TEX2: variants seen among roughly 807,000 people sequenced by gnomAD.
TEX2 encodes testis expressed 2.
TEX2 carries 53 observed loss-of-function variants against 106.9 expected under a neutral mutation model. The observed-to-expected ratio is 0.50, with a 90% confidence interval of 0.40 to 0.62. The LOEUF (loss-of-function observed/expected upper bound fraction) is 0.62. TEX2 is among the 20% of genes least tolerant of loss of function. The pLI, the probability that TEX2 is intolerant of heterozygous loss-of-function variation, is 0.00. For missense variants in TEX2, 1,207 were observed against 1,379.0 expected, an observed-to-expected ratio of 0.88 and a Z score of 1.98; for synonymous variants, 523 against 534.8, an observed-to-expected ratio of 0.98 and a Z score of 0.30.
intron 5 of TEX2, among the ~76,000 whole-genome samples, chr17:64,184,290 T>A (rs1215925951): frequency 6.6e-6 from 1 of 151,930 alleles, no homozygotes; most frequent in Non-Finnish European, 1.5e-5. Context: ...TTTGTAGAGA[T>A]GGAGTCTCAA....
At chr17:64,233,160 CCACACACACAACTACCCCACCCCCAAA>C (rs1366773878) in intron 1 of TEX2, among the ~76,000 whole-genome samples, 1 of 152,086 alleles carries the variant, frequency 6.6e-6, no homozygotes, top group Admixed American at 6.6e-5. Flanking sequence ...ATGTGCACAA[CCACACACACAACTACCCCACCCCCAAA>C]CACACACACA....
At chr17:64,177,232 C>T in intron 6 of TEX2, 93 bp downstream of exon 6, 2 of 1,510,470 alleles carry the variant, frequency 1.3e-6, no homozygotes, top group South Asian at 2.4e-5. Context: ...TACGTTTAAA[C>T]CAAATTATTT....
At chr17:64,151,232 C>A (rs1434504261) in intron 10 of TEX2, among the ~76,000 whole-genome samples, 1 of 152,144 alleles carries the variant, frequency 6.6e-6, no homozygotes, top group African/African-American at 2.4e-5. Flanking sequence ...ATGACCTGGG[C>A]ATTGGTTTCT....
intron 5 of TEX2, among the ~76,000 whole-genome samples, chr17:64,180,491 C>T (rs1243088325): frequency 6.6e-6 from 1 of 152,196 alleles, no homozygotes; most frequent in African/African-American, 2.4e-5. Context: ...CAGAGCAGAA[C>T]ATCGATAATG....
chr17:64,149,193 G>A, intron 11 of TEX2, 102 bp from the exon 12 acceptor site: 1 of 1,341,226 alleles, frequency 7.5e-7, no homozygotes, highest in South Asian at 1.5e-5. Flanking sequence ...ATTTTTAAAA[G>A]TACATATAAA....
At chr17:64,149,147 C>A in intron 11 of TEX2, 56 bp from the exon 12 acceptor site, 1 of 1,593,856 alleles carries the variant, frequency 6.3e-7, no homozygotes, top group Non-Finnish European at 8.6e-7. Context: ...CAGGCTGTCA[C>A]CCTCCTTTGT....
chr17:64,254,708 A>G (rs1387125650), intron 1 of TEX2, among the ~76,000 whole-genome samples: 2 of 152,254 alleles, frequency 1.3e-5, no homozygotes, highest in African/African-American at 2.4e-5. Flanking sequence ...AATTGAACTT[A>G]AAGTAACATA....
rs2032451024 is a variant in TEX2, at chr17:64,195,892, G to A, written c.1645-797C>T. On this transcript the variant is annotated intron_variant, in intron 2 of 11. Coordinates refer to ENST00000584379, the MANE Select transcript of TEX2 (RefSeq NM_001288732.2). The surrounding 1 kb of genome is among the most constrained non-coding windows in gnomAD (Gnocchi z 4.1). ...TCATTCATCACTGAACACTTCTCCT[G>A]CCTCAAATACTTTTTCAGGTTATGA... is the stretch of plus-strand genomic sequence containing the variant. Among the ~76,000 whole-genome samples the A allele has an allele frequency of 6.6e-6, 1 of 152,156 alleles. No homozygotes were observed.
chr17:64,222,292 G>A (rs1348484377), intron 1 of TEX2, among the ~76,000 whole-genome samples: 1 of 151,988 alleles, frequency 6.6e-6, no homozygotes, highest in Non-Finnish European at 1.5e-5. Context: ...AGGCTGAGGT[G>A]GGTGGATCAC....
intron 1 of TEX2, among the ~76,000 whole-genome samples, chr17:64,244,149 G>A (rs2033945039): frequency 6.6e-6 from 1 of 152,148 alleles, no homozygotes; most frequent in South Asian, 2.1e-4. Context: ...TTAGCCTTTG[G>A]ATTATTTTGG....
intron 2 of TEX2, among the ~76,000 whole-genome samples, chr17:64,202,675 G>A (rs2032708456): frequency 6.6e-6 from 1 of 152,182 alleles, no homozygotes; most frequent in Admixed American, 6.5e-5. Flanking sequence ...TTCTTACCAG[G>A]TAAAGTATTC....
intron 7 of TEX2, among the ~76,000 whole-genome samples, chr17:64,165,094 A>G (rs932444333): frequency 1.4e-4 from 21 of 152,224 alleles, no homozygotes; most frequent in Admixed American, 1.4e-3. Flanking sequence ...TCACTCTGAA[A>G]GTCAATATTT....
Position 64,213,151 on chromosome 17 carries a change from T to G in TEX2, c.1067A>C (p.Asp356Ala), listed in dbSNP as rs782137130. The G allele has an allele frequency of 1.9e-6, 3 of 1,614,150 alleles. No individual in the cohort carries two copies. In the Admixed American group the frequency reaches 5.0e-5, roughly 27 times the overall value. Residue 356 changes from aspartate to alanine, a missense_variant, in exon 2 of 12, where the codon GAT (aspartate) becomes GCT (alanine). By Grantham distance (126) the Asp-to-Ala change is moderately radical. Around this residue, in one of 3 missense-constraint regions of TEX2, gnomAD observed 1,067 missense variants for 1,193.6 expected, o/e 0.89. Coordinates refer to ENST00000584379, the MANE Select transcript of TEX2 (RefSeq NM_001288732.2). This position sits in a 1 kb window ranked among gnomAD's most constrained non-coding sequence, Gnocchi z 4.4. ...GATGTTGGAATCACTTCCGTAGCCA[T>G]CCCCCTCAGAATCACACTCCTCCTC... ...IKEEECDSEG[D>A]GYGSDSNIPR...
At chr17:64,233,541 C>T (rs187656340) in intron 1 of TEX2, among the ~76,000 whole-genome samples, 59 of 152,278 alleles carry the variant, frequency 3.9e-4, no homozygotes, top group Non-Finnish European at 6.5e-4. Context: ...CCACTGCACT[C>T]CAGCCTGGGT....
intron 1 of TEX2, among the ~76,000 whole-genome samples, chr17:64,260,872 T>C (rs2034276644): frequency 6.6e-6 from 1 of 152,150 alleles, no homozygotes; most frequent in Admixed American, 6.5e-5. Flanking sequence ...AGAGACAGTG[T>C]GTGTTTAATG....
intron 8 of TEX2, among the ~76,000 whole-genome samples, chr17:64,156,455 C>T (rs909798170): frequency 3.3e-5 from 5 of 152,228 alleles, no homozygotes; most frequent in African/African-American, 7.2e-5. Flanking sequence ...ACTGAGTCTT[C>T]CTCCTTCCAC....
chr17:64,240,806 G>C (rs2033873457), intron 1 of TEX2, among the ~76,000 whole-genome samples: 1 of 152,166 alleles, frequency 6.6e-6, no homozygotes, highest in African/African-American at 2.4e-5. Flanking sequence ...ATTAAAGGAA[G>C]ATGTATGGCA....
intron 1 of TEX2, among the ~76,000 whole-genome samples, chr17:64,218,784 T>C (rs1408690365): frequency 1.3e-5 from 2 of 152,048 alleles, no homozygotes; most frequent in Non-Finnish European, 2.9e-5. Flanking sequence ...GAACACCAAC[T>C]GGAGACTCTT....
chr17:64,212,547 C>G (rs2033034388), intron 2 of TEX2, 27 bp downstream of exon 2: 3 of 1,583,672 alleles, frequency 1.9e-6, no homozygotes, highest in South Asian at 2.3e-5. Context: ...AGTGTGTGTA[C>G]TAGCCAGCTC....
Sources: gnomAD v4.1 joint callset for allele counts (sites outside exome capture counted in the v4.1 genomes callset) on GRCh38, gnomAD v4.1.1 for gene constraint, gnomAD v4.1.1 regional missense constraint, Gnocchi (gnomAD v3.1) non-coding constraint, MANE v1.5 for transcripts, NCBI Gene and HGNC (gene_info 2026-07-23, HGNC 2026-07-21) for gene names.